Variants in ATXN1 observed in about 807,000 individuals in gnomAD.
ATXN1 encodes ataxin 1.
A neutral mutation model predicts 56.4 loss-of-function variants in ATXN1; 8 were observed. That is an observed-to-expected ratio of 0.14 (90% confidence interval 0.08 to 0.26). The LOEUF is 0.26. Among genes scored for constraint, ATXN1 ranks in the 10% least tolerant of loss-of-function variants. The pLI is 1.00. For missense variants in ATXN1, 987 were observed against 1,106.5 expected (o/e 0.89, Z 1.53); for synonymous variants, 514 against 494.6 (o/e 1.04, Z -0.52).
intron 6 of ATXN1, among the ~76,000 whole-genome samples, chr6:16,463,648 CTG>C (rs1760043655): frequency 6.6e-6 from 1 of 152,202 alleles, no homozygotes; most frequent in South Asian, 2.1e-4. Context: ...TAGGAGAAGA[CTG>C]TTGTTTTTAC....
chr6:16,552,505 G>A (rs929007340), intron 4 of ATXN1, among the ~76,000 whole-genome samples: 1 of 152,200 alleles, frequency 6.6e-6, no homozygotes, highest in African/African-American at 2.4e-5. Flanking sequence ...TTTTGAATAA[G>A]GTGTAATTTA....
rs141417222 is a variant in ATXN1 at position 16,609,990 on chromosome 6, A to G, written c.-488-24083T>C. On this transcript the variant is annotated intron_variant, in intron 3 of 7. Transcript: ENST00000436367. ...ATTTTCCAAAGTATTATTTAAAACT[A>G]CATTCGATGCAATGAAAAGGAAAAA... 4.6e-5 allele frequency among the ~76,000 whole-genome samples: 7 copies of G among 152,256 alleles called. No homozygotes were observed. The East Asian group carries it at 1.3e-3, about 29-fold the overall frequency.
At chr6:16,648,410 G>C (rs1010260757) in intron 3 of ATXN1, among the ~76,000 whole-genome samples, 5 of 152,202 alleles carry the variant, frequency 3.3e-5, no homozygotes, top group African/African-American at 1.2e-4. Context: ...TACTTAGGAT[G>C]CTTCTGAGCC....
At chr6:16,718,089 C>T (rs1554128077) in intron 2 of ATXN1, among the ~76,000 whole-genome samples, 1 of 152,224 alleles carries the variant, frequency 6.6e-6, no homozygotes, top group Non-Finnish European at 1.5e-5. Context: ...AGAGTTGCCA[C>T]ACAACAAGGT....
chr6:16,597,198 AAGG>A (rs1407337280), intron 3 of ATXN1, among the ~76,000 whole-genome samples: 3 of 152,348 alleles, frequency 2.0e-5, no homozygotes, highest in East Asian at 1.9e-4. Flanking sequence ...CCTCCGGTGG[AAGG>A]AGGAGAATTC....
At chr6:16,518,377 T>C (rs1390481339) in intron 5 of ATXN1, among the ~76,000 whole-genome samples, 1 of 152,208 alleles carries the variant, frequency 6.6e-6, no homozygotes, top group Non-Finnish European at 1.5e-5. Context: ...CTATATAATT[T>C]TGAGCAGGGT....
At chr6:16,636,628 G>A (rs1394895062) in intron 3 of ATXN1, among the ~76,000 whole-genome samples, 3 of 152,214 alleles carry the variant, frequency 2.0e-5, no homozygotes, top group Non-Finnish European at 4.4e-5. Context: ...TAAAAGGTAA[G>A]TGACTAATAA....
In ATXN1 at chr6:16,760,112, G is replaced by A. The variant is rs1291095940; in HGVS notation, c.-730+1186C>T. ...TGCCCCCTGCGGGACCGGCCTGCGC[G>A]CAGCACTGGAACCACGTAGGAGGAG... On this transcript the variant is annotated intron_variant, in intron 1 of 7. Transcript: ENST00000436367. The surrounding 1 kb of genome is among the most constrained non-coding windows in gnomAD (Gnocchi z 5.3). 6.6e-6 allele frequency among the ~76,000 whole-genome samples: 1 copy of A among 152,024 alleles called. No homozygotes were observed. The highest frequency in any genetic ancestry group is 1.5e-5 in the Non-Finnish European group (1 of 67,984).
At chr6:16,563,910 T>G (rs763292741) in intron 4 of ATXN1, among the ~76,000 whole-genome samples, 8 of 152,180 alleles carry the variant, frequency 5.3e-5, no homozygotes, top group Admixed American at 2.0e-4. Context: ...TTTATATTCC[T>G]TACTTTTTAG....
At chr6:16,757,115 G>A (rs1034605050) in intron 1 of ATXN1, among the ~76,000 whole-genome samples, 1 of 152,222 alleles carries the variant, frequency 6.6e-6, no homozygotes, top group African/African-American at 2.4e-5. Flanking sequence ...GAAACTTACA[G>A]GCATTTGACA....
Position 16,454,125 on chromosome 6 carries a change from CAAAAAAAAAAAAA to C in ATXN1, c.-161+31834_-161+31846del, listed in dbSNP as rs56277549. ...GGGCAATAAGAGCGAGACTCTGTCT[CAAAAAAAAAAAAA>C]AAAAAAAAAAAAAAAACAGAAGAAT... On this transcript the variant is annotated intron_variant, in intron 6 of 7. Transcript: ENST00000436367. Among the ~76,000 whole-genome samples the C allele has an allele frequency of 2.3e-3, 179 of 76,674 alleles. 1 individual carries two copies. The highest frequency in any genetic ancestry group is 2.3e-3 in the African/African-American group (29 of 12,704). 50.3% of individuals were successfully genotyped at this position (76,674 alleles called of 152,430 possible). A position where few individuals can be genotyped will look rare whatever the true frequency, so the allele number is the denominator to read the frequency against.
intron 7 of ATXN1, among the ~76,000 whole-genome samples, chr6:16,315,198 C>A (rs913163581): frequency 1.3e-5 from 2 of 152,120 alleles, no homozygotes; most frequent in Non-Finnish European, 2.9e-5. Flanking sequence ...GTGCCCCTGC[C>A]CGGTGGCCAT....
chr6:16,485,569 T>C (rs1202778093), intron 6 of ATXN1: 1 of 152,198 alleles, frequency 6.6e-6, no homozygotes, highest in Non-Finnish European at 1.5e-5. Context: ...GAAACTCTGA[T>C]TGCTAATCCT....
At chr6:16,488,950 C>A (rs1342823809) in intron 5 of ATXN1, among the ~76,000 whole-genome samples, 1 of 152,080 alleles carries the variant, frequency 6.6e-6, no homozygotes, top group African/African-American at 2.4e-5. Context: ...GCCATCGGAC[C>A]TGGGAAATTA....
chr6:16,403,013 A>G (rs1275360520), intron 6 of ATXN1, among the ~76,000 whole-genome samples: 2 of 152,122 alleles, frequency 1.3e-5, no homozygotes, highest in Non-Finnish European at 2.9e-5. Flanking sequence ...ATTTTTTTTA[A>G]CTCTCTTAAA....
At position 16,328,495 on chromosome 6, in the gene ATXN1, C is replaced by T. The variant is rs1044582960; in HGVS notation, c.-160-25G>A. 8 of 1,120,240 alleles carry T rather than the reference C, an allele frequency of 7.1e-6. No homozygotes were observed. The highest frequency in any genetic ancestry group is 3.6e-5 in the Admixed American group (1 of 27,416). 69.4% of individuals were successfully genotyped at this position (1,120,240 alleles called of 1,614,324 possible). A position where few individuals can be genotyped will look rare whatever the true frequency, so the allele number is the denominator to read the frequency against. ...GCTGGGAAAGGGAAGAGGGCAGTGA[C>T]AAAGGGAAAAGGAAAGGGAGGAGAA... On this transcript the variant is annotated intron_variant, in intron 6 of 7. Transcript: ENST00000436367. The surrounding 1 kb of genome is among the most constrained non-coding windows in gnomAD (Gnocchi z 6.2).
intron 6 of ATXN1, among the ~76,000 whole-genome samples, chr6:16,448,864 T>C (rs1759687042): frequency 6.6e-6 from 1 of 152,232 alleles, no homozygotes; most frequent in Non-Finnish European, 1.5e-5. Context: ...AGGGTTTTCT[T>C]AACTCCATTT....
At position 16,684,725 on chromosome 6, in the gene ATXN1, C is replaced by G. The variant is rs528449853; in HGVS notation, c.-614-26824G>C. Among the ~76,000 whole-genome samples the G allele has an allele frequency of 2.6e-5, 4 of 152,266 alleles. No homozygotes were observed. The South Asian group carries it at 8.3e-4, about 32-fold the overall frequency. On this transcript the variant is annotated intron_variant, in intron 2 of 7. Coordinates refer to ENST00000436367, the MANE Select transcript of ATXN1 (RefSeq NM_001128164.2). ...TTCAGTAAAACCTCAATCATTTACT[C>G]TCTGCTAATAGAGATAATGTATTCT...
intron 5 of ATXN1, among the ~76,000 whole-genome samples, chr6:16,491,407 C>T (rs1760661820): frequency 6.6e-6 from 1 of 151,714 alleles, no homozygotes. Flanking sequence ...GTCTCAGCCT[C>T]CTGAGTAGCT....
Sources: gnomAD v4.1 joint callset for allele counts (sites outside exome capture counted in the v4.1 genomes callset) on GRCh38, gnomAD v4.1.1 for gene constraint, Gnocchi (gnomAD v3.1) non-coding constraint, MANE v1.5 for transcripts, NCBI Gene and HGNC (gene_info 2026-07-23, HGNC 2026-07-21) for gene names.